The following CEP63 variants were observed in gnomAD, a reference collection of about 807,000 sequenced individuals.
The protein encoded by CEP63 is centrosomal protein of 63 kDa.
CEP63 carries 84 observed loss-of-function variants against 89.1 expected under a neutral mutation model. That is an observed-to-expected ratio of 0.94 (90% CI 0.79 to 1.13). CEP63 has a LOEUF of 1.13. Among genes scored for constraint, CEP63 ranks in the 50% most tolerant of loss-of-function variants. The pLI is 0.00. For synonymous variants in CEP63, 267 were observed against 272.5 expected, an observed-to-expected ratio of 0.98 and a Z score of 0.20; for missense variants, 838 against 813.3, an observed-to-expected ratio of 1.03 and a Z score of -0.37.
chr3:134,532,788 T>G lies in CEP63; in HGVS notation c.329T>G (p.Leu110Arg), dbSNP rs1577122371. The G allele has an allele frequency of 1.9e-6, 3 of 1,603,870 alleles. No homozygotes were observed. Among genetic ancestry groups the G allele is most frequent in the Non-Finnish European group, 1.7e-6 (2 of 1,171,338 alleles). Residue 110 changes from leucine to arginine, a missense_variant, in exon 5 of 15, where the codon CTG becomes CGG. Physicochemically the swap from Leu to Arg is moderately radical, Grantham distance 102 (BLOSUM62 -2). Transcript: ENST00000675561. ...TAACTGTTTCTACAGTTATGCATACTGAAGAGAAGCTATGAAAAGCTTCAG... is the reference window on the plus strand; with the variant it reads ...TAACTGTTTCTACAGTTATGCATACGGAAGAGAAGCTATGAAAAGCTTCAG... ...LKKLHEELCI[L>R]KRSYEKLQKK...
chr3:134,662,174 G>A, the CEP63 span, among the ~76,000 whole-genome samples: 1 of 152,138 alleles, frequency 6.6e-6, no homozygotes, highest in East Asian at 1.9e-4. Flanking sequence ...CTACCCAGGA[G>A]GCTGAGGTAG....
In CEP63 at chr3:134,549,170, T is replaced by G. The variant is rs778844095; in HGVS notation, c.1176T>G (p.Ile392Met). ...ATAACAATGAATACAAAGCAGAGAT[T>G]AAGAAGGTAAAAATCTGCATACCTA... is the stretch of plus-strand genomic sequence containing the variant. ...EAHNNEYKAEIKKLKEQILQG... is the reference protein window; with the variant it reads ...EAHNNEYKAEMKKLKEQILQG... Residue 392 changes from isoleucine to methionine, a missense_variant, in exon 10 of 15, where the codon ATT becomes ATG. Physicochemically the swap from Ile to Met is conservative, Grantham distance 10. Transcript: ENST00000675561. 1 of 1,599,798 alleles carries G rather than the reference T, an allele frequency of 6.3e-7. No individual in the cohort carries two copies. The highest frequency in any genetic ancestry group is 8.6e-7 in the Non-Finnish European group (1 of 1,167,184).
chr3:134,758,294 T>C, the CEP63 span, among the ~76,000 whole-genome samples: 2 of 152,216 alleles, frequency 1.3e-5, no homozygotes, highest in African/African-American at 4.8e-5. Flanking sequence ...ATGATTCATC[T>C]TGCAATTACT....
chr3:134,543,207 C>T (rs1559991619), intron 6 of CEP63, among the ~76,000 whole-genome samples: 1 of 152,016 alleles, frequency 6.6e-6, no homozygotes, highest in African/African-American at 2.4e-5. Flanking sequence ...AATATTACAA[C>T]ATTTACTTTA....
At chr3:134,503,100 CTTTTTTTTTT>C (rs34673408) in intron 2 of CEP63, among the ~76,000 whole-genome samples, 3 of 92,042 alleles carry the variant, frequency 3.3e-5, no homozygotes, top group South Asian at 4.4e-4. Context: ...TGATTTCAAT[CTTTTTTTTTT>C]TTTTTTTTTT....
the CEP63 span, chr3:134,650,959 A>G: frequency 3.7e-6 from 6 of 1,612,956 alleles, no homozygotes; most frequent in Admixed American, 3.3e-5. Flanking sequence ...CTTCAGCTCC[A>G]TGATGCCGCC....
the CEP63 span, among the ~76,000 whole-genome samples, chr3:134,739,401 A>G: frequency 6.6e-6 from 1 of 152,210 alleles, no homozygotes; most frequent in Non-Finnish European, 1.5e-5. Flanking sequence ...GTACCCTATG[A>G]CCCATCAAAT....
At chr3:134,781,088 A>G in the CEP63 span, among the ~76,000 whole-genome samples, 2 of 152,326 alleles carry the variant, frequency 1.3e-5, no homozygotes, top group Admixed American at 6.5e-5. Flanking sequence ...CTAAATCTCT[A>G]TATCAATTCC....
At chr3:134,774,898 G>T in the CEP63 span, among the ~76,000 whole-genome samples, 1 of 152,158 alleles carries the variant, frequency 6.6e-6, no homozygotes, top group East Asian at 1.9e-4. Context: ...ACCTAGGAGG[G>T]CTTCCCTGTC....
the CEP63 span, among the ~76,000 whole-genome samples, chr3:134,599,804 A>G: frequency 6.6e-6 from 1 of 152,234 alleles, no homozygotes; most frequent in Non-Finnish European, 1.5e-5. Context: ...GTCGCATTCA[A>G]CTGGCTGGGA....
chr3:134,582,200 T>G (rs1958373216), intron 10 of CEP63, among the ~76,000 whole-genome samples: 1 of 110,448 alleles, frequency 9.1e-6, no homozygotes, highest in Non-Finnish European at 2.0e-5. Context: ...AAAATTATAC[T>G]TTAAGTTCTA....
At chr3:134,729,604 TC>T in the CEP63 span, among the ~76,000 whole-genome samples, 2 of 152,274 alleles carry the variant, frequency 1.3e-5, no homozygotes, top group Non-Finnish European at 2.9e-5. Context: ...TTTGCATTTT[TC>T]CCCCCATTAG....
the CEP63 span, chr3:134,627,798 C>T: frequency 6.2e-7 from 1 of 1,613,652 alleles, no homozygotes; most frequent in Non-Finnish European, 8.5e-7. Flanking sequence ...CTTGTGTTTC[C>T]ATTTTTATCA....
At chr3:134,730,505 G>GA in the CEP63 span, among the ~76,000 whole-genome samples, 1 of 151,582 alleles carries the variant, frequency 6.6e-6, no homozygotes, top group African/African-American at 2.4e-5. Context: ...TTCATTGTAA[G>GA]AAAAAAAGAT....
chr3:134,766,213 C>G, the CEP63 span, among the ~76,000 whole-genome samples: 2 of 152,190 alleles, frequency 1.3e-5, no homozygotes, highest in Non-Finnish European at 1.5e-5. Flanking sequence ...CTACCTCTCC[C>G]CGCAGCTTTC....
chr3:134,704,826 G>A, the CEP63 span, among the ~76,000 whole-genome samples: 1 of 152,364 alleles, frequency 6.6e-6, no homozygotes, highest in Non-Finnish European at 1.5e-5. Context: ...TCCCAGAATG[G>A]AAGAGCTATG....
At chr3:134,670,597 A>G in the CEP63 span, among the ~76,000 whole-genome samples, 2 of 152,244 alleles carry the variant, frequency 1.3e-5, no homozygotes, top group Non-Finnish European at 2.9e-5. Context: ...TGATGACACC[A>G]TGGCTGGCTG....
downstream of CEP63, among the ~76,000 whole-genome samples, chr3:134,565,387 C>T (rs1353071211): frequency 6.6e-6 from 1 of 152,170 alleles, no homozygotes; most frequent in African/African-American, 2.4e-5. Flanking sequence ...ACACATAACA[C>T]CTGGTAAACT....
the CEP63 span, among the ~76,000 whole-genome samples, chr3:134,772,820 C>T: frequency 6.6e-6 from 1 of 152,172 alleles, no homozygotes; most frequent in Non-Finnish European, 1.5e-5. Flanking sequence ...TTGGCTGCCA[C>T]AGGAGCTGAA....
Sources: allele counts gnomAD v4.1 joint callset (sites outside exome capture counted in the v4.1 genomes callset), GRCh38; gene constraint gnomAD v4.1.1; transcripts MANE v1.5; gene names NCBI Gene and HGNC (gene_info 2026-07-23, HGNC 2026-07-21).